The following LDB2 variants were observed in gnomAD, a reference collection of about 807,000 sequenced individuals.
LDB2 encodes the protein LIM domain-binding protein 2.
In LDB2, 12 loss-of-function variants were observed where a neutral mutation model predicts 44.3. The ratio of observed to expected loss-of-function variants is 0.27; its 90% CI spans 0.17 to 0.44. The LOEUF is 0.44. Among genes scored for constraint, LDB2 ranks in the 20% least tolerant of loss-of-function variants. The pLI is 1.00. For synonymous variants in LDB2, 164 were observed against 174.8 expected (o/e 0.94, Z 0.49); for missense variants, 344 against 473.5 (o/e 0.73, Z 2.54).
At chr4:16,833,119 C>A (rs912694032) in intron 1 of LDB2, among the ~76,000 whole-genome samples, 13 of 152,076 alleles carry the variant, frequency 8.5e-5, no homozygotes, top group African/African-American at 2.7e-4. Context: ...ATAATAAAAT[C>A]TGAAAGAAAA....
intron 5 of LDB2, among the ~76,000 whole-genome samples, chr4:16,553,587 A>T (rs1257787837): frequency 6.6e-6 from 1 of 152,130 alleles, no homozygotes; most frequent in Non-Finnish European, 1.5e-5. Context: ...TCAACCAAGA[A>T]TCCTTAACCC....
chr4:16,759,907 G>A lies in LDB2; in HGVS notation c.133-647C>T, dbSNP rs1767523661. ...AATAGAGCAGTTCAGCAGAATGCAG[G>A]CCATCCATATGAATTCTGTTTGTTT... On this transcript the variant is annotated intron_variant, in intron 1 of 7. Transcript: ENST00000304523. Among the ~76,000 whole-genome samples, 3 of 152,142 alleles carry A rather than the reference G, an allele frequency of 2.0e-5. No individual in the cohort carries two copies. In the South Asian group the frequency reaches 6.2e-4, roughly 32 times the overall value.
intron 1 of LDB2, among the ~76,000 whole-genome samples, chr4:16,891,267 C>CA (rs1168782961): frequency 1.6e-4 from 22 of 141,594 alleles, no homozygotes; most frequent in Admixed American, 7.0e-5. Context: ...ATAACAGTTT[C>CA]AATCACTCTT....
Position 16,559,025 on chromosome 4 carries a change from G to T in LDB2, c.615+26897C>A, listed in dbSNP as rs201746989. ...AGACAAGCAAATGCTGAGAGATTTT[G>T]TCACCACCAGGCCTGCCCTAAAAGA... On this transcript the variant is annotated intron_variant, in intron 5 of 7. Transcript: ENST00000304523. Among the ~76,000 whole-genome samples the T allele has an allele frequency of 0.022, 3,406 of 152,232 alleles. 245 individuals are homozygous for T. In the East Asian group the frequency reaches 0.26, roughly 12 times the overall value.
chr4:16,598,502 A>T (rs936468215), intron 2 of LDB2, among the ~76,000 whole-genome samples: 1 of 152,198 alleles, frequency 6.6e-6, no homozygotes. Context: ...CGTGGAGCAG[A>T]GATGAGCTGT....
chr4:16,509,885 G>A (rs755039623), intron 6 of LDB2, among the ~76,000 whole-genome samples: 2 of 152,116 alleles, frequency 1.3e-5, no homozygotes, highest in Non-Finnish European at 2.9e-5. Context: ...GGAGGACGAG[G>A]CAAGTGGATT....
chr4:16,552,239 G>T (rs1432030710), intron 5 of LDB2, among the ~76,000 whole-genome samples: 4 of 152,078 alleles, frequency 2.6e-5, no homozygotes, highest in East Asian at 3.8e-4. Flanking sequence ...ACATATCAAT[G>T]AATTAATGAA....
intron 2 of LDB2, among the ~76,000 whole-genome samples, chr4:16,631,906 T>G (rs932927526): frequency 6.6e-6 from 1 of 152,214 alleles, no homozygotes; most frequent in Non-Finnish European, 1.5e-5. Context: ...AATCTCTGAA[T>G]AGACCAATAA....
At chr4:16,546,636 C>G (rs886257665) in intron 5 of LDB2, among the ~76,000 whole-genome samples, 2 of 152,188 alleles carry the variant, frequency 1.3e-5, no homozygotes, top group Non-Finnish European at 2.9e-5. Context: ...CTTGCCACCC[C>G]CTTCCCATCC....
At chr4:16,698,429 C>T (rs1752684898) in intron 2 of LDB2, among the ~76,000 whole-genome samples, 1 of 152,210 alleles carries the variant, frequency 6.6e-6, no homozygotes, top group African/African-American at 2.4e-5. Flanking sequence ...ACACACCTCA[C>T]AGGTCCCCAT....
chr4:16,794,923 T>C (rs1182121332), intron 1 of LDB2, among the ~76,000 whole-genome samples: 1 of 152,184 alleles, frequency 6.6e-6, no homozygotes, highest in East Asian at 1.9e-4. Context: ...CCTGACAGTA[T>C]TGAGCACTCA....
intron 1 of LDB2, among the ~76,000 whole-genome samples, chr4:16,762,801 A>T (rs766753776): frequency 7.2e-5 from 11 of 152,162 alleles, no homozygotes; most frequent in Non-Finnish European, 1.3e-4. Flanking sequence ...AAGGCAAAAA[A>T]GTCAATAGAA....
At chr4:16,828,749 GA>G (rs969340206) in intron 1 of LDB2, among the ~76,000 whole-genome samples, 1 of 152,168 alleles carries the variant, frequency 6.6e-6, no homozygotes, top group African/African-American at 2.4e-5. Flanking sequence ...AGAAGTAACA[GA>G]AAAAGTGTGA....
At chr4:16,783,156 G>C (rs895433150) in intron 1 of LDB2, among the ~76,000 whole-genome samples, 1 of 152,182 alleles carries the variant, frequency 6.6e-6, no homozygotes, top group South Asian at 2.1e-4. Flanking sequence ...CAGAAAGAAG[G>C]CTTATGAACG....
intron 5 of LDB2, among the ~76,000 whole-genome samples, chr4:16,567,964 T>C (rs957737215): frequency 6.6e-6 from 1 of 152,154 alleles, no homozygotes; most frequent in Non-Finnish European, 1.5e-5. Context: ...ATAATACTGA[T>C]TAGGAATTGG....
chr4:16,568,014 G>C (rs1191407749), intron 5 of LDB2, among the ~76,000 whole-genome samples: 6 of 152,130 alleles, frequency 3.9e-5, no homozygotes, highest in African/African-American at 1.4e-4. Context: ...GAACCAAGTG[G>C]TGGCCTGTTT....
intron 5 of LDB2, among the ~76,000 whole-genome samples, chr4:16,531,731 G>A (rs1730217639): frequency 6.6e-6 from 1 of 152,204 alleles, no homozygotes; most frequent in Non-Finnish European, 1.5e-5. Context: ...ATGCTTGAGT[G>A]CTGGCATGGC....
At chr4:16,738,510 C>A (rs1405260180) in intron 2 of LDB2, among the ~76,000 whole-genome samples, 1 of 152,268 alleles carries the variant, frequency 6.6e-6, no homozygotes, top group Admixed American at 6.5e-5. Flanking sequence ...TAAAAGCTAC[C>A]GCTTAGCCTT....
intron 1 of LDB2, among the ~76,000 whole-genome samples, chr4:16,874,469 C>T (rs62298194): frequency 2.6e-5 from 4 of 152,110 alleles, no homozygotes; most frequent in Non-Finnish European, 5.9e-5. Flanking sequence ...TACAAATATT[C>T]AAAGCAGAAG....
Sources: gnomAD v4.1 joint callset for allele counts (sites outside exome capture counted in the v4.1 genomes callset) on GRCh38, gnomAD v4.1.1 for gene constraint, MANE v1.5 for transcripts, NCBI Gene and HGNC (gene_info 2026-07-23, HGNC 2026-07-21) for gene names.